The following CHIT1 variants were observed in gnomAD, a reference collection of about 807,000 sequenced individuals.
CHIT1 encodes chitinase 1.
A neutral mutation model predicts 52.0 loss-of-function variants in CHIT1; 47 were observed. The observed-to-expected ratio is 0.90, with a 90% CI of 0.71 to 1.15. The LOEUF is 1.15. CHIT1 is among the 50% of genes most tolerant of loss of function. CHIT1 has a pLI of 0.00. For missense variants in CHIT1, 569 were observed against 583.0 expected, an observed-to-expected ratio of 0.98 and a Z score of 0.25; for synonymous variants, 242 against 228.2, an observed-to-expected ratio of 1.06 and a Z score of -0.54.
Position 203,216,478 on chromosome 1 carries a change from TGG to T in CHIT1, c.*409_*410del. On this transcript the variant is annotated 3_prime_UTR_variant, in exon 11 of 11. Transcript: ENST00000367229. ...CAATAACCAAAGAACGTGTTGCACT[TGG>T]GGCCGCGCTCTGGCTGCCATCACCT... is the stretch of plus-strand genomic sequence containing the variant. 2.2e-6 allele frequency: 1 copy of T among 457,528 alleles called. No individual in the cohort carries two copies. Among genetic ancestry groups the T allele is most frequent in the Non-Finnish European group, 4.4e-6 (1 of 229,300 alleles). 28.3% of individuals were successfully genotyped at this position (457,528 alleles called of 1,614,324 possible).
chr1:203,223,424 CA>C, intron 5 of CHIT1, 70 bp downstream of exon 5: 1 of 1,604,748 alleles, frequency 6.2e-7, no homozygotes, highest in Non-Finnish European at 8.5e-7. Context: ...GAGCAGCCCC[CA>C]CATGTGCTGT....
intron 9 of CHIT1, 193 bp from the exon 10 acceptor site, chr1:203,218,058 T>C: frequency 6.6e-7 from 1 of 1,526,128 alleles, no homozygotes; most frequent in Non-Finnish European, 8.8e-7. Context: ...ACATCAGTCA[T>C]TTTGCAGTCT....
intron 7 of CHIT1, among the ~76,000 whole-genome samples, chr1:203,220,602 C>T (rs1478311916): frequency 6.6e-6 from 1 of 152,170 alleles, no homozygotes; most frequent in Non-Finnish European, 1.5e-5. Context: ...TTCCTTAAGC[C>T]AAGAGTATGG....
In CHIT1 at chr1:203,216,359, A is replaced by G; in HGVS notation, c.*530T>C. 1 of 454,120 alleles carries G rather than the reference A, an allele frequency of 2.2e-6. No homozygotes were observed. The highest frequency in any genetic ancestry group is 4.4e-6 in the Non-Finnish European group (1 of 226,814). The allele number at this position is 454,120 out of a possible 1,614,324, so 28.1% of individuals were successfully genotyped here. A position where few individuals can be genotyped will look rare whatever the true frequency, so the allele number is the denominator to read the frequency against. Reference sequence around the variant, plus strand: ...TGGCTGCTCGCAGAGCGCTTAAATCAGGGAAAAGTTCTTCTCTGCTGCCAT... The same window carrying G: ...TGGCTGCTCGCAGAGCGCTTAAATCGGGGAAAAGTTCTTCTCTGCTGCCAT... On this transcript the variant is annotated 3_prime_UTR_variant, in exon 11 of 11. Transcript: ENST00000367229.
intron 10 of CHIT1, 84 bp downstream of exon 10, chr1:203,217,655 G>A (rs1026578634): frequency 1.2e-5 from 19 of 1,601,342 alleles, no homozygotes; most frequent in Admixed American, 1.7e-5. Flanking sequence ...AGAAGGACCC[G>A]GGACCTACAG....
chr1:203,223,832 T>C (rs1571848461), intron 4 of CHIT1, among the ~76,000 whole-genome samples, 172 bp from the exon 5 acceptor site: 1 of 152,076 alleles, frequency 6.6e-6, no homozygotes, highest in East Asian at 1.9e-4. Context: ...TGAGTTATGG[T>C]CCGGGTTGAG....
At chr1:203,217,207 G>A (rs1656565928) in intron 10 of CHIT1, 74 bp from the exon 11 acceptor site, 2 of 1,597,532 alleles carry the variant, frequency 1.3e-6, no homozygotes, top group Non-Finnish European at 1.7e-6. Flanking sequence ...CACACAGGCA[G>A]CAACCATTGG....
intron 7 of CHIT1, 40 bp from the exon 8 acceptor site, chr1:203,219,889 C>G (rs1241279641): frequency 1.9e-6 from 3 of 1,607,786 alleles, no homozygotes; most frequent in East Asian, 2.2e-5. Context: ...CAGCCCTCAG[C>G]CTGGTTCTGA....
chr1:203,220,361 G>A (rs1313787406), intron 7 of CHIT1, among the ~76,000 whole-genome samples: 1 of 152,168 alleles, frequency 6.6e-6, no homozygotes, highest in East Asian at 1.9e-4. Flanking sequence ...CATGATTGTT[G>A]TCTTAGTTTT....
At chr1:203,224,433 G>A (rs765255239) in intron 4 of CHIT1, among the ~76,000 whole-genome samples, 1 of 152,198 alleles carries the variant, frequency 6.6e-6, no homozygotes, top group Non-Finnish European at 1.5e-5. Context: ...TGGAAGATGA[G>A]TAATCACTTT....
chr1:203,222,248 A>G lies in CHIT1; in HGVS notation c.683T>C (p.Leu228Pro), dbSNP rs1281661470. The G allele has an allele frequency of 6.2e-7, 1 of 1,614,122 alleles. No individual in the cohort carries two copies. Among genetic ancestry groups the G allele is most frequent in the Admixed American group, 1.7e-5 (1 of 60,020 alleles). The change falls in exon 7 of 11, where the codon CTC (leucine) becomes CCC (proline). Residue 228 changes from leucine to proline, a missense_variant. Transcript: ENST00000367229. ...ACCACTCTCTTCTTGCCTCTTGTAG[A>G]GGGGGCTGTTATGTCCCGTGACCTT... is the stretch of plus-strand genomic sequence containing the variant. ...WEKVTGHNSP[L>P]YKRQEESGAA... is the part of the protein sequence containing the mutation.
chr1:203,218,612 A>C (rs1656622435), intron 9 of CHIT1, among the ~76,000 whole-genome samples: 1 of 151,998 alleles, frequency 6.6e-6, no homozygotes, highest in African/African-American at 2.4e-5. Context: ...GCCACCTTCT[A>C]TGCTTTAGGA....
At position 203,216,943 on chromosome 1, in the gene CHIT1, G is replaced by A. The variant is rs1283166947; in HGVS notation, c.1347C>T (p.Ser449=). Residue 449 remains serine, a synonymous_variant, in exon 11 of 11, where the codon AGC becomes AGT. Coordinates refer to ENST00000367229, the MANE Select transcript of CHIT1 (RefSeq NM_003465.3). ...SCAAGRLFQQ[S]CPTGLVFSNS... is the part of the protein sequence containing the mutation. ...TGCTGAACACCAGGCCTGTCGGGCA[G>A]CTTTGCTGGAACAGCCGCCCCGCTG... 2 of 1,614,186 alleles carry A rather than the reference G, an allele frequency of 1.2e-6. No homozygotes were observed. The highest frequency in any genetic ancestry group is 3.3e-5 in the Admixed American group (2 of 60,032).
In CHIT1 at chr1:203,216,413, G is replaced by A. The variant is rs1447781415; in HGVS notation, c.*476C>T. The stretch of plus-strand genomic sequence containing the variant: ...GTGGCATTTTGGGAATAACACGTGC[G>A]TGAAGGTCCGCAGAAGCTCCTGTTT... On this transcript the variant is annotated 3_prime_UTR_variant, in exon 11 of 11. Transcript: ENST00000367229. 2.2e-6 allele frequency: 1 copy of A among 454,206 alleles called. No homozygotes were observed. Among genetic ancestry groups the A allele is most frequent in the East Asian group, 6.9e-5 (1 of 14,410 alleles). 28.1% of individuals were successfully genotyped at this position (454,206 alleles called of 1,614,324 possible).
Position 203,219,646 on chromosome 1 carries a change from G to T in CHIT1, c.915+18C>A. 6.2e-7 allele frequency: 1 copy of T among 1,613,778 alleles called. No individual in the cohort carries two copies. Among genetic ancestry groups the T allele is most frequent in the Non-Finnish European group, 8.5e-7 (1 of 1,179,694 alleles). The stretch of plus-strand genomic sequence containing the variant: ...CCCTGACCCTCACAATACCCAGGGT[G>T]GTTATGGGTTTTCCTACTTCATAGT... On this transcript the variant is annotated intron_variant, in intron 8 of 10. Coordinates refer to ENST00000367229, the MANE Select transcript of CHIT1 (RefSeq NM_003465.3).
At position 203,229,649 on chromosome 1, in the gene CHIT1, C is replaced by T. The variant is rs370076959; in HGVS notation, c.-13G>A. ...CAGACCGCACCATGATGCAGCTCAG[C>T]GGCAGGCTGCAGCCCATACAAACCA... On this transcript the variant is annotated 5_prime_UTR_variant, in exon 1 of 11. Coordinates refer to ENST00000367229, the MANE Select transcript of CHIT1 (RefSeq NM_003465.3). 46 of 1,613,408 alleles carry T rather than the reference C, an allele frequency of 2.9e-5. 1 individual carries two copies. The highest frequency in any genetic ancestry group is 3.3e-4 in the Middle Eastern group (2 of 6,058).
intron 1 of CHIT1, 59 bp from the exon 2 acceptor site, chr1:203,228,621 C>T (rs772762879): frequency 3.6e-5 from 56 of 1,543,886 alleles, no homozygotes; most frequent in South Asian, 7.1e-5. Flanking sequence ...TTCCCAGGCC[C>T]CACAGCTTAC....
At chr1:203,219,975 T>C in intron 7 of CHIT1, 126 bp from the exon 8 acceptor site, 1 of 1,185,560 alleles carries the variant, frequency 8.4e-7, no homozygotes, top group East Asian at 2.5e-5. Context: ...CGGGCCTTTG[T>C]TAGGATTCCA....
upstream of CHIT1, chr1:203,229,765 G>T: frequency 9.4e-7 from 1 of 1,058,616 alleles, no homozygotes; most frequent in Non-Finnish European, 1.4e-6. Flanking sequence ...GGGGGGGATG[G>T]GAGCAGGGTG....
Sources: allele counts gnomAD v4.1 joint callset (sites outside exome capture counted in the v4.1 genomes callset), GRCh38; gene constraint gnomAD v4.1.1; transcripts MANE v1.5; gene names NCBI Gene and HGNC (gene_info 2026-07-23, HGNC 2026-07-21).